Variants in NEDD4L observed in about 807,000 individuals in gnomAD.
NEDD4L encodes the protein NEDD4 like E3 ubiquitin protein ligase.
NEDD4L carries 54 observed loss-of-function variants against 148.9 expected under a neutral mutation model. The ratio of observed to expected loss-of-function variants is 0.36; its 90% CI spans 0.29 to 0.45. The LOEUF is 0.45. NEDD4L is among the 20% of genes least tolerant of loss of function. The pLI, the probability that NEDD4L is intolerant of heterozygous loss-of-function variation, is 1.00. For missense variants in NEDD4L, 856 were observed against 1,233.8 expected (o/e 0.69, Z 4.59); for synonymous variants, 433 against 440.7 (o/e 0.98, Z 0.22).
chr18:58,358,429 A>G (rs2045011945), intron 19 of NEDD4L, among the ~76,000 whole-genome samples: 1 of 152,194 alleles, frequency 6.6e-6, no homozygotes, highest in Admixed American at 6.5e-5. Context: ...TCTCTTCTAC[A>G]TCATTAGAAC....
chr18:58,140,753 G>A (rs899278062), intron 1 of NEDD4L, among the ~76,000 whole-genome samples: 3 of 152,246 alleles, frequency 2.0e-5, no homozygotes, highest in Admixed American at 2.0e-4. Context: ...GAGTTCTGCT[G>A]CTGAATTAAA....
intron 1 of NEDD4L, among the ~76,000 whole-genome samples, chr18:58,073,057 A>G (rs1474195371): frequency 6.6e-6 from 1 of 152,240 alleles, no homozygotes; most frequent in Non-Finnish European, 1.5e-5. Flanking sequence ...TGATTTGTAC[A>G]CAAACTATAA....
Position 58,322,459 on chromosome 18 carries a change from T to G in NEDD4L, c.383T>G (p.Phe128Cys). ...CCAACCATGGAGCGACCCTATACAT[T>G]TAAGGACTTTCTCCTCAGACCAAGA... is the stretch of plus-strand genomic sequence containing the variant. ...EDPTMERPYT[F>C]KDFLLRPRSH... is the part of the protein sequence containing the mutation. The change falls in exon 7 of 31, where the codon TTT (phenylalanine) becomes TGT (cysteine). Residue 128 changes from phenylalanine (F) to cysteine (C), a missense_variant. Phe to Cys is a radical substitution (Grantham distance 205). Transcript: ENST00000400345. 6.2e-7 allele frequency: 1 copy of G among 1,609,898 alleles called. No homozygotes were observed. The highest frequency in any genetic ancestry group is 8.5e-7 in the Non-Finnish European group (1 of 1,176,442).
In NEDD4L at chr18:58,286,844, C is replaced by G. The variant is rs543423148; in HGVS notation, c.298-29138C>G. Reference sequence around the variant, plus strand: ...ACATTATCCTGACCCGGGAGGCGCTCCTTATGTGCATAAACTGCATTTGGA... The same window carrying G: ...ACATTATCCTGACCCGGGAGGCGCTGCTTATGTGCATAAACTGCATTTGGA... On this transcript the variant is annotated intron_variant, in intron 5 of 30. Coordinates refer to ENST00000400345, the MANE Select transcript of NEDD4L (RefSeq NM_001144967.3). Among the ~76,000 whole-genome samples, 4 of 152,252 alleles carry G rather than the reference C, an allele frequency of 2.6e-5. No homozygotes were observed. The East Asian group carries it at 7.7e-4, about 29-fold the overall frequency.
intron 2 of NEDD4L, among the ~76,000 whole-genome samples, chr18:58,224,606 C>T (rs1224593938): frequency 6.6e-6 from 1 of 152,148 alleles, no homozygotes; most frequent in Non-Finnish European, 1.5e-5. Context: ...CTTTGGGCAC[C>T]GTCCTGTGTG....
At chr18:58,199,203 C>A (rs1196013844) in intron 2 of NEDD4L, among the ~76,000 whole-genome samples, 1 of 152,212 alleles carries the variant, frequency 6.6e-6, no homozygotes, top group Non-Finnish European at 1.5e-5. Context: ...GTTTAATCCA[C>A]GTTGACATCT....
intron 1 of NEDD4L, among the ~76,000 whole-genome samples, chr18:58,054,221 C>T (rs2081999839): frequency 6.6e-6 from 1 of 152,112 alleles, no homozygotes; most frequent in Admixed American, 6.5e-5. Context: ...TGTTTGTGTC[C>T]CACAGCGTGA....
chr18:58,261,359 C>T (rs2049353495), intron 5 of NEDD4L, among the ~76,000 whole-genome samples: 1 of 152,126 alleles, frequency 6.6e-6, no homozygotes, highest in Non-Finnish European at 1.5e-5. Context: ...GTGGTTGAGT[C>T]TACTGTTACT....
intron 1 of NEDD4L, among the ~76,000 whole-genome samples, chr18:58,155,582 A>G (rs1045540860): frequency 6.6e-6 from 1 of 152,168 alleles, no homozygotes; most frequent in Admixed American, 6.5e-5. Flanking sequence ...CTCATAATGG[A>G]CATTTGCACC....
chr18:58,239,094 G>A (rs373677572), intron 2 of NEDD4L, among the ~76,000 whole-genome samples: 17 of 152,302 alleles, frequency 1.1e-4, no homozygotes, highest in African/African-American at 3.8e-4. Flanking sequence ...TTAACAAAAC[G>A]GGTTTTGCAA....
intron 5 of NEDD4L, among the ~76,000 whole-genome samples, chr18:58,257,666 C>G (rs1026853207): frequency 6.6e-6 from 1 of 152,166 alleles, no homozygotes; most frequent in African/African-American, 2.4e-5. Flanking sequence ...CGCTCCCTTT[C>G]AGTGAAATGG....
chr18:58,335,462 A>G lies in NEDD4L; in HGVS notation c.1066-16A>G. ...TCCCCTAAGTGCATTTCACTGATGT[A>G]AATTATCATTCACAGCCCAGTGCCC... On this transcript the variant is annotated splice_polypyrimidine_tract_variant and intron_variant, in intron 12 of 30. Coordinates refer to ENST00000400345, the MANE Select transcript of NEDD4L (RefSeq NM_001144967.3). The G allele has an allele frequency of 6.2e-7, 1 of 1,609,166 alleles. No homozygotes were observed. Among genetic ancestry groups the G allele is most frequent in the Non-Finnish European group, 8.5e-7 (1 of 1,175,584 alleles).
chr18:58,236,570 A>G (rs1439922553), intron 2 of NEDD4L, among the ~76,000 whole-genome samples: 1 of 152,108 alleles, frequency 6.6e-6, no homozygotes, highest in Admixed American at 6.5e-5. Flanking sequence ...CACATCCATG[A>G]AAGGGAGACT....
intron 2 of NEDD4L, among the ~76,000 whole-genome samples, chr18:58,213,120 TA>T (rs1382829554): frequency 2.0e-5 from 3 of 149,568 alleles, no homozygotes; most frequent in African/African-American, 7.5e-5. Context: ...TTATTTCTCA[TA>T]ATACTGATGG....
chr18:58,226,905 G>A (rs532980260), intron 2 of NEDD4L, among the ~76,000 whole-genome samples: 31 of 151,402 alleles, frequency 2.0e-4, no homozygotes, highest in African/African-American at 6.3e-4. Context: ...CAAGCCATCC[G>A]TTAAAAAAAA....
intron 1 of NEDD4L, among the ~76,000 whole-genome samples, chr18:58,052,554 C>T (rs2081920027): frequency 6.6e-6 from 1 of 152,172 alleles, no homozygotes; most frequent in South Asian, 2.1e-4. Context: ...TGTTTGGTGA[C>T]TTCTTGGCAG....
chr18:58,287,042 G>A (rs2054011192), intron 5 of NEDD4L, among the ~76,000 whole-genome samples: 1 of 151,512 alleles, frequency 6.6e-6, no homozygotes, highest in Non-Finnish European at 1.5e-5. Flanking sequence ...TGTGCTTAGA[G>A]TGCTGATAAT....
intron 1 of NEDD4L, among the ~76,000 whole-genome samples, chr18:58,061,349 T>C (rs994795217): frequency 6.6e-6 from 1 of 152,238 alleles, no homozygotes; most frequent in African/African-American, 2.4e-5. Context: ...GCCAAAGCTC[T>C]GCAGCTAGTA....
At chr18:58,053,645 A>T (rs897400867) in intron 1 of NEDD4L, among the ~76,000 whole-genome samples, 1 of 152,028 alleles carries the variant, frequency 6.6e-6, no homozygotes, top group African/African-American at 2.4e-5. Context: ...CCAGTTTCCA[A>T]CCTGACTCAA....
Sources: gnomAD v4.1 joint callset for allele counts (sites outside exome capture counted in the v4.1 genomes callset) on GRCh38, gnomAD v4.1.1 for gene constraint, MANE v1.5 for transcripts, NCBI Gene and HGNC (gene_info 2026-07-23, HGNC 2026-07-21) for gene names.